ZBTB7C: variants seen among roughly 807,000 people sequenced by gnomAD.
The protein encoded by ZBTB7C is zinc finger and BTB domain containing 7C, also known as zinc finger and BTB domain-containing protein 7C.
In ZBTB7C, 8 loss-of-function variants were observed where a neutral mutation model predicts 25.7. The observed-to-expected ratio is 0.31, with a 90% CI of 0.18 to 0.56. The LOEUF is 0.56. Ranked by LOEUF, ZBTB7C falls within the 20% of genes least tolerant of loss-of-function variation. The probability of loss-of-function intolerance (pLI) is 0.91; values close to 1 mark genes in which losing one functional copy is unlikely to be tolerated. For missense variants in ZBTB7C, 824 were observed against 855.2 expected (o/e 0.96, Z 0.46); for synonymous variants, 394 against 369.0 (o/e 1.07, Z -0.78).
At chr18:48,311,631 G>T (rs976427283) in intron 2 of ZBTB7C, among the ~76,000 whole-genome samples, 8 of 151,872 alleles carry the variant, frequency 5.3e-5, no homozygotes, top group Non-Finnish European at 1.0e-4. Context: ...CAATAATATG[G>T]CTATTCAGTG....
At chr18:48,202,332 C>T (rs2042470762) in intron 2 of ZBTB7C, among the ~76,000 whole-genome samples, 1 of 152,076 alleles carries the variant, frequency 6.6e-6, no homozygotes. Context: ...CTGCTGAGTC[C>T]AAGAGGTCGC....
chr18:48,293,445 A>C (rs149693983), intron 2 of ZBTB7C, among the ~76,000 whole-genome samples: 1 of 152,314 alleles, frequency 6.6e-6, no homozygotes, highest in Non-Finnish European at 1.5e-5. Context: ...TAAACGTTTA[A>C]ACATTCAGGC....
chr18:48,368,145 A>C (rs2047294386), intron 1 of ZBTB7C, among the ~76,000 whole-genome samples: 1 of 152,078 alleles, frequency 6.6e-6, no homozygotes, highest in Non-Finnish European at 1.5e-5. Context: ...GACATGTTAG[A>C]ATTATCTGAC....
chr18:48,180,688 T>C (rs2041894153), intron 3 of ZBTB7C, among the ~76,000 whole-genome samples: 1 of 152,192 alleles, frequency 6.6e-6, no homozygotes, highest in Non-Finnish European at 1.5e-5. Context: ...AGCAACACTT[T>C]TACGGGATCC....
intron 2 of ZBTB7C, among the ~76,000 whole-genome samples, chr18:48,220,779 AAT>A (rs1207323557): frequency 3.3e-5 from 5 of 152,112 alleles, no homozygotes; most frequent in African/African-American, 1.2e-4. Context: ...CAAGGAAGCA[AAT>A]ATCATAAACT....
intron 3 of ZBTB7C, among the ~76,000 whole-genome samples, chr18:48,172,809 CT>C (rs2041534429): frequency 6.6e-6 from 1 of 152,182 alleles, no homozygotes; most frequent in Non-Finnish European, 1.5e-5. Flanking sequence ...CTGCTTCTCG[CT>C]TTTTCTGTTT....
At chr18:48,129,444 C>A (rs1164122556) in intron 3 of ZBTB7C, among the ~76,000 whole-genome samples, 1 of 151,946 alleles carries the variant, frequency 6.6e-6, no homozygotes, top group Non-Finnish European at 1.5e-5. Context: ...CCTCCCTGAT[C>A]AGTCGGAGGC....
At chr18:48,318,581 G>A (rs1338771026) in intron 2 of ZBTB7C, among the ~76,000 whole-genome samples, 1 of 152,206 alleles carries the variant, frequency 6.6e-6, no homozygotes, top group African/African-American at 2.4e-5. Context: ...CCAGCTCACA[G>A]GAGCCCAACA....
rs550422060 is a variant in ZBTB7C, at chr18:48,034,601, C to A, written c.1209-4690G>T. Among the ~76,000 whole-genome samples the A allele has an allele frequency of 3.9e-5, 6 of 152,256 alleles. No homozygotes were observed. In the East Asian group the frequency reaches 1.2e-3, roughly 29 times the overall value. On this transcript the variant is annotated intron_variant, in intron 4 of 4. Transcript: ENST00000590800. The stretch of plus-strand genomic sequence containing the variant: ...GATGAGAACCTGTGGGATGCTCTTT[C>A]GTACTCTGCACAACACACAACACTG...
intron 3 of ZBTB7C, among the ~76,000 whole-genome samples, chr18:48,111,038 C>A (rs1011421975): frequency 6.6e-6 from 1 of 152,174 alleles, no homozygotes; most frequent in Non-Finnish European, 1.5e-5. Flanking sequence ...CCTGGACTGT[C>A]TGGGGAGCAA....
At chr18:48,167,566 G>GTGTGTGTGTGTGTTTGTGTT (rs756309575) in intron 3 of ZBTB7C, among the ~76,000 whole-genome samples, 1 of 115,736 alleles carries the variant, frequency 8.6e-6, no homozygotes, top group Admixed American at 8.1e-5. Flanking sequence ...TTGCTAGGGT[G>GTGTGTGTGTGTGTTTGTGTT]TGTGTGTGTG....
At chr18:48,045,760 T>C (rs1016029020) in intron 3 of ZBTB7C, among the ~76,000 whole-genome samples, 5 of 150,936 alleles carry the variant, frequency 3.3e-5, no homozygotes, top group Admixed American at 2.6e-4. Flanking sequence ...TGAACTGTAA[T>C]GATTGGTGTC....
chr18:48,274,412 T>A (rs2044584135), intron 2 of ZBTB7C, among the ~76,000 whole-genome samples: 1 of 152,194 alleles, frequency 6.6e-6, no homozygotes, highest in Non-Finnish European at 1.5e-5. Context: ...AAGCACTATG[T>A]CCACCCTAAC....
chr18:48,041,812 T>C (rs2036256142), intron 3 of ZBTB7C, among the ~76,000 whole-genome samples: 1 of 152,138 alleles, frequency 6.6e-6, no homozygotes, highest in African/African-American at 2.4e-5. Context: ...AATATTTAAA[T>C]TCAATACAAA....
chr18:48,374,954 A>G (rs954110636), intron 1 of ZBTB7C, among the ~76,000 whole-genome samples: 1 of 136,978 alleles, frequency 7.3e-6, no homozygotes, highest in Non-Finnish European at 1.7e-5. Context: ...GTGGGACCCA[A>G]GCTCTTCATT....
chr18:48,343,770 T>C (rs1250289829), intron 1 of ZBTB7C, among the ~76,000 whole-genome samples: 1 of 152,196 alleles, frequency 6.6e-6, no homozygotes, highest in Non-Finnish European at 1.5e-5. Context: ...ATCTGGATTT[T>C]GGAACTTCCT....
intron 2 of ZBTB7C, among the ~76,000 whole-genome samples, chr18:48,337,734 A>G (rs2046488429): frequency 6.6e-6 from 1 of 152,220 alleles, no homozygotes; most frequent in Non-Finnish European, 1.5e-5. Context: ...AAGGCTTCCC[A>G]ACCACTGAGG....
chr18:48,123,079 C>T (rs1598920396), intron 3 of ZBTB7C, among the ~76,000 whole-genome samples: 1 of 152,126 alleles, frequency 6.6e-6, no homozygotes, highest in African/African-American at 2.4e-5. Flanking sequence ...GCTGTGGGTA[C>T]CTGGGTGAGC....
At position 48,037,259 on chromosome 18, in the gene ZBTB7C, T is replaced by A. The variant is rs116825978; in HGVS notation, c.1208+2641A>T. Reference sequence around the variant, plus strand: ...AGCTGGAGACAGGCCTGGGGCCAGATGGCCGTCATTCTGGAGCAGGAGGAA... The same window carrying A: ...AGCTGGAGACAGGCCTGGGGCCAGAAGGCCGTCATTCTGGAGCAGGAGGAA... On this transcript the variant is annotated intron_variant, in intron 4 of 4. Transcript: ENST00000590800. Among the ~76,000 whole-genome samples the A allele has an allele frequency of 7.8e-3, 1,189 of 152,346 alleles. 18 individuals are homozygous for A. Among genetic ancestry groups the A allele is most frequent in the African/African-American group, 0.027 (1,118 of 41,578 alleles).
Sources: gnomAD v4.1 joint callset for allele counts (sites outside exome capture counted in the v4.1 genomes callset) on GRCh38, gnomAD v4.1.1 for gene constraint, MANE v1.5 for transcripts, NCBI Gene and HGNC (gene_info 2026-07-23, HGNC 2026-07-21) for gene names.